The following VWA8 variants were observed in gnomAD, a reference collection of about 807,000 sequenced individuals.
VWA8 encodes the protein von Willebrand factor A domain-containing protein 8.
A neutral mutation model predicts 241.5 loss-of-function variants in VWA8; 221 were observed. The ratio of observed to expected loss-of-function variants is 0.91; its 90% CI spans 0.82 to 1.02. The LOEUF is 1.02. Among genes scored for constraint, VWA8 ranks in the 50% least tolerant of loss-of-function variants. VWA8 has a pLI of 0.00. For synonymous variants in VWA8, 852 were observed against 827.1 expected (o/e 1.03, Z -0.52); for missense variants, 2,322 against 2,328.7 (o/e 1.00, Z 0.06).
rs778005373 is a variant in VWA8, at chr13:41,833,479, T to A, written c.1478A>T (p.Asp493Val). Residue 493 changes from aspartate (D) to valine (V), a missense_variant, in exon 13 of 45, where the codon GAC (aspartate) becomes GTC (valine). By Grantham distance (152) the Asp-to-Val change is radical. Transcript: ENST00000379310. Reference protein sequence around the residue: ...LQQRYTLPNGDTAWRSSPLVN... With the variant: ...LQQRYTLPNGVTAWRSSPLVN... ...AAGGGGTGAGGACCGCCAGGCAGTG[T>A]CTCCATTTGGAAGGGTGTATCTCTG... The A allele has an allele frequency of 1.2e-6, 2 of 1,613,904 alleles. No homozygotes were observed. Among genetic ancestry groups the A allele is most frequent in the Admixed American group, 3.3e-5 (2 of 59,966 alleles).
chr13:41,567,905 C>A lies in VWA8; in HGVS notation c.*292G>T, dbSNP rs1003142229. 2 of 283,560 alleles carry A rather than the reference C, an allele frequency of 7.1e-6. No individual in the cohort carries two copies. The highest frequency in any genetic ancestry group is 9.8e-4 in the Middle Eastern group (1 of 1,020). The allele number at this position is 283,560 out of a possible 1,614,324, so 17.6% of individuals were successfully genotyped here. A position where few individuals can be genotyped will look rare whatever the true frequency, so the allele number is the denominator to read the frequency against. ...CAGGTTTTTGGAAATAGACCAAACACATAGTTCTCAAAACCACCTTCCTTT... is the reference window on the plus strand; with the variant it reads ...CAGGTTTTTGGAAATAGACCAAACAAATAGTTCTCAAAACCACCTTCCTTT... On this transcript the variant is annotated 3_prime_UTR_variant, in exon 45 of 45. Transcript: ENST00000379310.
chr13:41,665,282 T>C (rs2044978628), intron 37 of VWA8, among the ~76,000 whole-genome samples: 2 of 152,156 alleles, frequency 1.3e-5, no homozygotes, highest in Non-Finnish European at 2.9e-5. Context: ...GGCATTACTG[T>C]ATTTCATTCT....
intron 12 of VWA8, among the ~76,000 whole-genome samples, chr13:41,838,388 CCT>C (rs1201661747): frequency 1.3e-5 from 2 of 151,996 alleles, no homozygotes; most frequent in South Asian, 2.1e-4. Context: ...ATTTGAGCTA[CCT>C]CTCTTACTGA....
intron 28 of VWA8, among the ~76,000 whole-genome samples, chr13:41,700,052 A>C (rs1593705037): frequency 1.3e-5 from 2 of 152,264 alleles, no homozygotes; most frequent in Middle Eastern, 6.8e-3. Flanking sequence ...GTTTCTCATA[A>C]TCTCTTATGT....
At chr13:41,643,379 T>C (rs1276585621) in intron 37 of VWA8, among the ~76,000 whole-genome samples, 2 of 152,186 alleles carry the variant, frequency 1.3e-5, no homozygotes, top group Non-Finnish European at 2.9e-5. Context: ...CACTCTCCAT[T>C]TTGCTATCAA....
intron 2 of VWA8, among the ~76,000 whole-genome samples, chr13:41,915,684 A>G (rs1326106812): frequency 1.3e-5 from 2 of 152,236 alleles, no homozygotes; most frequent in Admixed American, 6.5e-5. Flanking sequence ...GGAAATCAGT[A>G]GAGAATAAGT....
chr13:41,586,374 G>A (rs760088307), intron 42 of VWA8, among the ~76,000 whole-genome samples: 5 of 152,178 alleles, frequency 3.3e-5, no homozygotes, highest in Admixed American at 6.5e-5. Context: ...ACACATTTCA[G>A]TTCTTCAAGG....
At chr13:41,884,905 ACAT>A (rs773122544) in intron 8 of VWA8, among the ~76,000 whole-genome samples, 111 of 151,190 alleles carry the variant, frequency 7.3e-4, no homozygotes, top group Non-Finnish European at 7.4e-5. Flanking sequence ...ATACATACAT[ACAT>A]ACATACATAC....
chr13:41,640,589 T>G (rs2044789226), intron 37 of VWA8, among the ~76,000 whole-genome samples: 1 of 152,230 alleles, frequency 6.6e-6, no homozygotes, highest in Non-Finnish European at 1.5e-5. Flanking sequence ...TTAAAAATCA[T>G]GTACTTGCTA....
chr13:41,926,771 G>A (rs1876864133), intron 2 of VWA8: 1 of 544,234 alleles, frequency 1.8e-6, no homozygotes, highest in Non-Finnish European at 3.7e-6. Context: ...CAGCATGGTA[G>A]AAGAACTTGA....
At chr13:41,707,499 C>T (rs1222860481) in intron 26 of VWA8, among the ~76,000 whole-genome samples, 2 of 152,192 alleles carry the variant, frequency 1.3e-5, no homozygotes, top group Admixed American at 6.5e-5. Flanking sequence ...GTTCCAACAA[C>T]TCTCAAAAAT....
chr13:41,731,756 T>C (rs1230192244), intron 22 of VWA8, among the ~76,000 whole-genome samples: 3 of 152,070 alleles, frequency 2.0e-5, no homozygotes, highest in Non-Finnish European at 2.9e-5. Flanking sequence ...CCCCATACTG[T>C]TCTTGTGGTA....
chr13:41,636,224 C>T (rs2044755689), intron 37 of VWA8, among the ~76,000 whole-genome samples: 2 of 152,130 alleles, frequency 1.3e-5, no homozygotes, highest in African/African-American at 4.8e-5. Context: ...GCTACCAAAA[C>T]AGAGATATAG....
chr13:41,732,513 T>C (rs775639338), intron 21 of VWA8, among the ~76,000 whole-genome samples: 4 of 150,430 alleles, frequency 2.7e-5, no homozygotes, highest in Non-Finnish European at 5.9e-5. Context: ...TATTATATAA[T>C]ATTTATGTTG....
chr13:41,652,573 T>C (rs1290746287), intron 37 of VWA8, among the ~76,000 whole-genome samples: 1 of 152,174 alleles, frequency 6.6e-6, no homozygotes, highest in Non-Finnish European at 1.5e-5. Flanking sequence ...TGTTGCCTTT[T>C]GTGGAAGGAC....
At chr13:41,867,761 T>C (rs1873379749) in intron 10 of VWA8, among the ~76,000 whole-genome samples, 1 of 152,152 alleles carries the variant, frequency 6.6e-6, no homozygotes, top group South Asian at 2.1e-4. Flanking sequence ...GTGCCTGTAG[T>C]CCCAGCTACT....
At chr13:41,935,736 C>G (rs945204949) in intron 2 of VWA8, among the ~76,000 whole-genome samples, 1 of 151,708 alleles carries the variant, frequency 6.6e-6, no homozygotes, top group African/African-American at 2.4e-5. Flanking sequence ...TGTAATAGAC[C>G]TATAAAGGTG....
At chr13:41,900,877 A>G (rs1267572618) in intron 4 of VWA8, among the ~76,000 whole-genome samples, 2 of 152,170 alleles carry the variant, frequency 1.3e-5, no homozygotes, top group Non-Finnish European at 2.9e-5. Flanking sequence ...ACACATCAGA[A>G]TAGAATCGGA....
chr13:41,945,212 G>A (rs982600246), intron 2 of VWA8, among the ~76,000 whole-genome samples: 1 of 151,918 alleles, frequency 6.6e-6, no homozygotes, highest in Non-Finnish European at 1.5e-5. Context: ...TCAAACATTA[G>A]CTGACCACTA....
Sources: allele counts gnomAD v4.1 joint callset (sites outside exome capture counted in the v4.1 genomes callset), GRCh38; gene constraint gnomAD v4.1.1; transcripts MANE v1.5; gene names NCBI Gene and HGNC (gene_info 2026-07-23, HGNC 2026-07-21).